The following LY96 variants were observed in gnomAD, a reference collection of about 807,000 sequenced individuals.
LY96 encodes the protein lymphocyte antigen 96, also known as myeloid differentiation protein-2.
In LY96, 18 loss-of-function variants were observed where a neutral mutation model predicts 18.9. The observed-to-expected ratio is 0.95, with a 90% CI of 0.66 to 1.41. LY96 has a LOEUF of 1.41. Ranked by LOEUF, LY96 falls within the 40% of genes most tolerant of loss-of-function variation. The probability of loss-of-function intolerance (pLI) is 0.00; values close to 1 mark genes in which losing one functional copy is unlikely to be tolerated. For missense variants in LY96, 175 were observed against 182.4 expected (o/e 0.96, Z 0.23); for synonymous variants, 66 against 62.6 (o/e 1.06, Z -0.26).
the LY96 span, chr8:74,099,520 G>A: frequency 1.3e-5 from 2 of 152,194 alleles, no homozygotes; most frequent in Non-Finnish European, 2.9e-5. Flanking sequence ...AGGTTTTCCT[G>A]TCATCTGCTT....
At chr8:74,013,627 G>A (rs1032108658) in intron 3 of LY96, among the ~76,000 whole-genome samples, 9 of 151,932 alleles carry the variant, frequency 5.9e-5, no homozygotes, top group Non-Finnish European at 1.5e-5. Context: ...TCACTATGTT[G>A]CCCAGGCTGG....
chr8:74,026,643 A>G (rs1448921459), intron 3 of LY96, 146 bp from the exon 4 acceptor site: 1 of 636,892 alleles, frequency 1.6e-6, no homozygotes. Flanking sequence ...GGAGAATAGC[A>G]GCCAGGGTAT....
chr8:74,087,626 C>T, the LY96 span, among the ~76,000 whole-genome samples: 1 of 152,166 alleles, frequency 6.6e-6, no homozygotes. Flanking sequence ...CATGTCACCA[C>T]TTTGCTTGGG....
chr8:74,073,960 G>A, the LY96 span, among the ~76,000 whole-genome samples: 3 of 151,210 alleles, frequency 2.0e-5, no homozygotes, highest in Non-Finnish European at 2.9e-5. Context: ...CTGACCTGAT[G>A]AATTTATTGT....
chr8:74,025,605 A>C (rs562086077), intron 3 of LY96, among the ~76,000 whole-genome samples: 4 of 149,408 alleles, frequency 2.7e-5, no homozygotes, highest in Non-Finnish European at 5.9e-5. Flanking sequence ...CAGTGAGCCA[A>C]GATTGTGCCA....
chr8:74,083,748 T>C, the LY96 span, among the ~76,000 whole-genome samples: 2 of 152,162 alleles, frequency 1.3e-5, no homozygotes, highest in Admixed American at 1.3e-4. Context: ...TGAAGTGCAG[T>C]GGCAAAAATC....
the LY96 span, among the ~76,000 whole-genome samples, chr8:74,059,915 T>C: frequency 5.9e-5 from 9 of 152,196 alleles, no homozygotes; most frequent in African/African-American, 1.7e-4. Flanking sequence ...AGGTAGGTGG[T>C]AGCACTTGAG....
the LY96 span, among the ~76,000 whole-genome samples, chr8:74,043,470 T>C: frequency 6.6e-6 from 1 of 152,182 alleles, no homozygotes; most frequent in African/African-American, 2.4e-5. Context: ...GCAGTTGGGA[T>C]AGACCATGCA....
chr8:74,032,702 C>T (rs1048192254), downstream of LY96, among the ~76,000 whole-genome samples: 1 of 152,146 alleles, frequency 6.6e-6, no homozygotes, highest in African/African-American at 2.4e-5. Flanking sequence ...TTCTGCTACA[C>T]AATAAATTGT....
intron 2 of LY96, among the ~76,000 whole-genome samples, chr8:74,007,434 C>A (rs1338637424): frequency 6.6e-6 from 1 of 152,064 alleles, no homozygotes; most frequent in African/African-American, 2.4e-5. Context: ...ATTTTTATAG[C>A]GCAATTATGT....
intron 3 of LY96, 106 bp downstream of exon 3, chr8:74,010,235 T>C: frequency 9.0e-7 from 1 of 1,107,870 alleles, no homozygotes; most frequent in Non-Finnish European, 1.3e-6. Context: ...CTGCTAATAA[T>C]TCTTTTTCCA....
chr8:74,053,385 C>G, the LY96 span, among the ~76,000 whole-genome samples: 1 of 152,198 alleles, frequency 6.6e-6, no homozygotes, highest in African/African-American at 2.4e-5. Flanking sequence ...AAAATTGAAG[C>G]AAGTCATTGC....
chr8:74,072,245 G>A, the LY96 span, among the ~76,000 whole-genome samples: 1 of 152,026 alleles, frequency 6.6e-6, no homozygotes, highest in Admixed American at 6.6e-5. Context: ...GTGGCTAAAT[G>A]TCCACAAATT....
At chr8:74,087,008 C>A in the LY96 span, among the ~76,000 whole-genome samples, 1 of 152,226 alleles carries the variant, frequency 6.6e-6, no homozygotes, top group Non-Finnish European at 1.5e-5. Flanking sequence ...GTCAGGGCAT[C>A]TTTCAAATTC....
chr8:74,097,247 C>T, the LY96 span, among the ~76,000 whole-genome samples: 5 of 152,198 alleles, frequency 3.3e-5, no homozygotes, highest in South Asian at 2.1e-4. Context: ...CACAGGTTAC[C>T]GTTAGGCTGT....
chr8:74,022,266 G>A (rs1005515557), intron 3 of LY96, among the ~76,000 whole-genome samples: 2 of 151,896 alleles, frequency 1.3e-5, no homozygotes, highest in Non-Finnish European at 2.9e-5. Context: ...AAGTAGATGG[G>A]TGTGGTAGCA....
At chr8:74,054,636 C>T in the LY96 span, among the ~76,000 whole-genome samples, 28 of 114,034 alleles carry the variant, frequency 2.5e-4, no homozygotes, top group African/African-American at 9.2e-4. Flanking sequence ...TTCTTTCTTT[C>T]TTTCTTTCTT....
the LY96 span, among the ~76,000 whole-genome samples, chr8:74,089,196 G>A: frequency 1.7e-4 from 26 of 152,088 alleles, no homozygotes; most frequent in Non-Finnish European, 2.4e-4. Flanking sequence ...TTATCAAAAG[G>A]GCCATGCCCT....
chr8:74,061,585 T>C, the LY96 span, among the ~76,000 whole-genome samples: 2 of 152,200 alleles, frequency 1.3e-5, no homozygotes, highest in African/African-American at 2.4e-5. Context: ...TTAATTATAA[T>C]GTATATTTCA....
Sources: gnomAD v4.1 joint callset for allele counts (sites outside exome capture counted in the v4.1 genomes callset) on GRCh38, gnomAD v4.1.1 for gene constraint, MANE v1.5 for transcripts, NCBI Gene and HGNC (gene_info 2026-07-23, HGNC 2026-07-21) for gene names.